GLI3: variants seen among roughly 807,000 people sequenced by gnomAD.
GLI3 encodes GLI family zinc finger 3.
Under a neutral mutation model 100.8 loss-of-function variants are expected in GLI3, and 20 were observed. That is an observed-to-expected ratio of 0.20 (90% confidence interval 0.14 to 0.29). GLI3 has a LOEUF of 0.29. Ranked by LOEUF, GLI3 falls within the 10% of genes least tolerant of loss-of-function variation. The pLI is 1.00. For synonymous variants in GLI3, 938 were observed against 860.5 expected (o/e 1.09, Z -1.58); for missense variants, 2,040 against 2,128.5 (o/e 0.96, Z 0.82).
At chr7:42,001,216 G>A (rs6463085) in intron 10 of GLI3, among the ~76,000 whole-genome samples, 20,725 of 127,962 alleles carry the variant, frequency 0.16, 1,740 homozygotes, top group East Asian at 0.43. Flanking sequence ...CAGCCTGGGC[G>A]ACAGTGTGAG....
At chr7:42,008,597 C>T (rs1167610938) in intron 10 of GLI3, among the ~76,000 whole-genome samples, 1 of 152,170 alleles carries the variant, frequency 6.6e-6, no homozygotes, top group Non-Finnish European at 1.5e-5. Flanking sequence ...GCGCAAACCA[C>T]ACCTTCTTAT....
At chr7:41,989,833 C>T (rs940101161) in intron 10 of GLI3, among the ~76,000 whole-genome samples, 5 of 151,672 alleles carry the variant, frequency 3.3e-5, no homozygotes, top group Non-Finnish European at 7.4e-5. Context: ...AGGCGTTCAA[C>T]ACCAGCCTGG....
intron 3 of GLI3, among the ~76,000 whole-genome samples, chr7:42,142,934 C>CAAAAAAAA (rs11287528): frequency 1.3e-5 from 1 of 76,920 alleles, no homozygotes; most frequent in African/African-American, 5.2e-5. Context: ...ACTCTGTCTC[C>CAAAAAAAA]AAAAAAAAAA....
Position 41,972,004 on chromosome 7 carries a change from AAAG to A in GLI3, c.2103+330_2103+332del, listed in dbSNP as rs1444640881. On this transcript the variant is annotated intron_variant, in intron 13 of 14. Coordinates refer to ENST00000395925, the MANE Select transcript of GLI3 (RefSeq NM_000168.6). This position sits in a 1 kb window ranked among gnomAD's most constrained non-coding sequence, Gnocchi z 4.4. ...CTATTTACCTTGGGGTCACCAGGGC[AAAG>A]AAGACAGAAAGCATGTTTACAGGAA... Among the ~76,000 whole-genome samples, 1 of 152,264 alleles carries A rather than the reference AAAG, an allele frequency of 6.6e-6. No individual in the cohort carries two copies. The highest frequency in any genetic ancestry group is 6.5e-5 in the Admixed American group (1 of 15,288).
chr7:42,220,214 A>G (rs1427557351), intron 2 of GLI3, among the ~76,000 whole-genome samples: 1 of 152,208 alleles, frequency 6.6e-6, no homozygotes, highest in African/African-American at 2.4e-5. Flanking sequence ...TTTGTTAAAG[A>G]AAGCACAAGA....
At chr7:42,111,183 G>T (rs1474500177) in intron 3 of GLI3, among the ~76,000 whole-genome samples, 1 of 152,188 alleles carries the variant, frequency 6.6e-6, no homozygotes, top group Admixed American at 6.5e-5. Context: ...ACTAAGTTTT[G>T]CCAGAAAGTC....
intron 2 of GLI3, among the ~76,000 whole-genome samples, chr7:42,156,569 G>C (rs1291611770): frequency 2.0e-5 from 3 of 152,116 alleles, no homozygotes; most frequent in African/African-American, 7.2e-5. Context: ...ATTCCATAAC[G>C]AGATCCACGG....
chr7:42,030,370 G>T (rs1460177970), intron 7 of GLI3, among the ~76,000 whole-genome samples: 3 of 152,152 alleles, frequency 2.0e-5, no homozygotes, highest in Non-Finnish European at 4.4e-5. Context: ...CAGGTCCTGG[G>T]GATTAGGATG....
At chr7:42,162,860 C>T (rs544701657) in intron 2 of GLI3, among the ~76,000 whole-genome samples, 1 of 150,870 alleles carries the variant, frequency 6.6e-6, no homozygotes, top group South Asian at 2.1e-4. Flanking sequence ...CTCGGCCTTA[C>T]AAAGCTCTCT....
intron 3 of GLI3, among the ~76,000 whole-genome samples, chr7:42,137,447 C>T (rs2128780603): frequency 6.6e-6 from 1 of 152,290 alleles, no homozygotes; most frequent in Admixed American, 6.5e-5. Context: ...ATGCTCTCCG[C>T]TCCTGGTACT....
intron 10 of GLI3, among the ~76,000 whole-genome samples, chr7:41,993,751 C>T (rs1788049570): frequency 6.6e-6 from 1 of 152,194 alleles, no homozygotes; most frequent in Non-Finnish European, 1.5e-5. Context: ...CCTCAATATA[C>T]TCCCAACCGG....
chr7:41,981,863 A>T (rs183676114), intron 10 of GLI3, among the ~76,000 whole-genome samples: 5 of 152,328 alleles, frequency 3.3e-5, no homozygotes, highest in African/African-American at 1.2e-4. Context: ...GAAAAATCCC[A>T]ATCATTTCCT....
chr7:42,164,613 G>T (rs912111744), intron 2 of GLI3, among the ~76,000 whole-genome samples: 37 of 151,786 alleles, frequency 2.4e-4, no homozygotes, highest in Admixed American at 1.5e-3. Context: ...GGCGGATCAT[G>T]GGGTCAGGAG....
At chr7:42,147,388 G>A (rs892953839) in intron 3 of GLI3, among the ~76,000 whole-genome samples, 1 of 152,196 alleles carries the variant, frequency 6.6e-6, no homozygotes, top group African/African-American at 2.4e-5. Context: ...GGAGCTCAAT[G>A]GATCATCTGG....
chr7:41,982,725 T>C (rs1446454591), intron 10 of GLI3, among the ~76,000 whole-genome samples: 1 of 150,618 alleles, frequency 6.6e-6, no homozygotes, highest in Admixed American at 6.6e-5. Context: ...AGAAAATACA[T>C]TGTACATTGC....
chr7:42,085,487 T>C (rs942883166), intron 3 of GLI3, among the ~76,000 whole-genome samples: 12 of 152,232 alleles, frequency 7.9e-5, no homozygotes, highest in Non-Finnish European at 1.8e-4. Flanking sequence ...AAGTCTTGTT[T>C]CTTCTTAAGT....
At chr7:41,994,024 T>C (rs1422159877) in intron 10 of GLI3, among the ~76,000 whole-genome samples, 1 of 152,224 alleles carries the variant, frequency 6.6e-6, no homozygotes, top group Non-Finnish European at 1.5e-5. Flanking sequence ...ACCATGACAA[T>C]GTTGACATAA....
chr7:42,154,592 C>A (rs1042447371), intron 2 of GLI3, among the ~76,000 whole-genome samples: 3 of 152,184 alleles, frequency 2.0e-5, no homozygotes, highest in Non-Finnish European at 2.9e-5. Context: ...CAACGGAATC[C>A]AAGTCCTCGC....
chr7:42,245,121 C>A (rs1241030786), intron 1 of GLI3, among the ~76,000 whole-genome samples: 1 of 152,152 alleles, frequency 6.6e-6, no homozygotes, highest in Admixed American at 6.5e-5. Flanking sequence ...CTGGGCCTTC[C>A]CATTCTTATC....
Sources: gnomAD v4.1 joint callset for allele counts (sites outside exome capture counted in the v4.1 genomes callset) on GRCh38, gnomAD v4.1.1 for gene constraint, Gnocchi (gnomAD v3.1) non-coding constraint, MANE v1.5 for transcripts, NCBI Gene and HGNC (gene_info 2026-07-23, HGNC 2026-07-21) for gene names.